Variants in IFT140 observed in about 807,000 individuals in gnomAD.
The protein encoded by IFT140 is intraflagellar transport 140.
IFT140 carries 133 observed loss-of-function variants against 164.6 expected under a neutral mutation model. The ratio of observed to expected loss-of-function variants is 0.81; its 90% CI spans 0.70 to 0.93. The LOEUF (loss-of-function observed/expected upper bound fraction) is 0.93. IFT140 is among the 40% of genes least tolerant of loss of function. The pLI is 0.00. For missense variants in IFT140, 2,045 were observed against 1,972.3 expected (o/e 1.04, Z -0.70); for synonymous variants, 860 against 817.3 (o/e 1.05, Z -0.89).
At chr16:1,528,313 ACG>A in intron 19 of IFT140, among the ~76,000 whole-genome samples, 1 of 131,256 alleles carries the variant, frequency 7.6e-6, no homozygotes, top group African/African-American at 3.2e-5. Context: ...CCACACACAC[ACG>A]CACGCATGCA....
chr16:1,610,450 C>A (rs2142142793), intron 2 of IFT140: 1 of 154,178 alleles, frequency 6.5e-6, no homozygotes, highest in Non-Finnish European at 1.5e-5. Context: ...CGGGCGGGGG[C>A]GACAGCCATA....
At chr16:1,606,320 G>A (rs6600157) in intron 3 of IFT140, among the ~76,000 whole-genome samples, 11,945 of 152,304 alleles carry the variant, frequency 0.078, 553 homozygotes, top group African/African-American at 0.12. Context: ...ACTGATAGTG[G>A]CTTAATGCTG....
intron 18 of IFT140, 142 bp from the exon 19 acceptor site, chr16:1,558,276 C>T: frequency 1.3e-6 from 1 of 792,910 alleles, no homozygotes; most frequent in Non-Finnish European, 2.0e-6. Context: ...AGGCCCAGTC[C>T]CTGCCAGATG....
At position 1,562,144 on chromosome 16, in the gene IFT140, GT is replaced by G. The variant is rs113397794; in HGVS notation, c.2068-29del. 28,574 of 1,083,384 alleles carry G rather than the reference GT, an allele frequency of 0.026. 8 individuals carry two copies. Among genetic ancestry groups the G allele is most frequent in the South Asian group, 0.045 (2,553 of 56,466 alleles). 67.1% of individuals were successfully genotyped at this position (1,083,384 alleles called of 1,614,324 possible). A position where few individuals can be genotyped will look rare whatever the true frequency, so the allele number is the denominator to read the frequency against. On this transcript the variant is annotated intron_variant, in intron 17 of 30. Coordinates refer to ENST00000426508, the MANE Select transcript of IFT140 (RefSeq NM_014714.4). ...GGGAGAGAAAGAAAAGTACTGTTCT[GT>G]TTTTTTTTTTAACTTACATAAATTT...
At chr16:1,560,002 C>T (rs1000078187) in intron 18 of IFT140, among the ~76,000 whole-genome samples, 3 of 152,200 alleles carry the variant, frequency 2.0e-5, no homozygotes, top group Non-Finnish European at 2.9e-5. Flanking sequence ...GTGTGCAAGA[C>T]ACAAACGCCA....
chr16:1,589,683 T>G lies in IFT140; in HGVS notation c.732A>C (p.Ala244=). ...QMLFYMEKRE[A]LVVVTENLRL... is the part of the protein sequence containing the mutation. ...GGAGGTTCTCTGTGACCACCACCAG[T>G]GCCTCCCTCTTCTCCATGTAGAACA... The change falls in exon 7 of 31, where the codon GCA becomes GCC. Residue 244 remains alanine, a synonymous_variant. Transcript: ENST00000426508. 4 of 1,614,164 alleles carry G rather than the reference T, an allele frequency of 2.5e-6. No individual in the cohort carries two copies. Among genetic ancestry groups the G allele is most frequent in the Non-Finnish European group, 3.4e-6 (4 of 1,180,022 alleles).
At position 1,561,965 on chromosome 16, in the gene IFT140, C is replaced by A. The variant is rs772449315; in HGVS notation, c.2199+20G>T. ...GGGGAGAGATCAGAAGACACCTGTG[C>A]GGATGTCGTGGCTTCGTACCTTTCT... On this transcript the variant is annotated intron_variant, in intron 18 of 30. Transcript: ENST00000426508. 1 of 1,579,618 alleles carries A rather than the reference C, an allele frequency of 6.3e-7. No individual in the cohort carries two copies. Among genetic ancestry groups the A allele is most frequent in the South Asian group, 1.2e-5 (1 of 84,694 alleles).
chr16:1,548,590 GA>G (rs2032368954), intron 19 of IFT140, among the ~76,000 whole-genome samples: 1 of 152,224 alleles, frequency 6.6e-6, no homozygotes, highest in African/African-American at 2.4e-5. Flanking sequence ...AGTTTTGGGA[GA>G]AAAGTCTTCA....
At chr16:1,571,367 T>C in intron 14 of IFT140, 40 bp downstream of exon 14, 1 of 1,600,808 alleles carries the variant, frequency 6.2e-7, no homozygotes, top group Non-Finnish European at 8.5e-7. Context: ...CCTGACTGAC[T>C]AAAAAAATGT....
chr16:1,514,369 C>CAAATAAATAAATAAATAAATAAATAAAT (rs544738443), intron 30 of IFT140: 11 of 151,784 alleles, frequency 7.2e-5, no homozygotes, highest in African/African-American at 2.7e-4. Flanking sequence ...CACTCCATCT[C>CAAATAAATAAATAAATAAATAAATAAAT]AAATAAATAA....
rs1415763185 is a variant in IFT140 at position 1,558,116 on chromosome 16, CTCTG to C, written c.2214_2217del (p.Asp738GlufsTer47). The C allele has an allele frequency of 6.8e-6, 11 of 1,614,064 alleles. No individual in the cohort carries two copies. Among genetic ancestry groups the C allele is most frequent in the Admixed American group, 1.7e-5 (1 of 60,008 alleles). On this transcript the variant is annotated frameshift_variant, in exon 19 of 31. Transcript: ENST00000426508. LOFTEE classifies it high-confidence loss of function. The stretch of plus-strand genomic sequence containing the variant: ...TGGCACCCAGGCTCCACCTCGTCTT[CTCTG>C]TCTGCTTCTTCGGGCTAAATGACAA...
Position 1,562,063 on chromosome 16 carries a change from A to G in IFT140, c.2121T>C (p.Leu707=). 1.2e-6 allele frequency: 2 copies of G among 1,612,226 alleles called. No individual in the cohort carries two copies. Among genetic ancestry groups the G allele is most frequent in the Non-Finnish European group, 1.7e-6 (2 of 1,179,166 alleles). ...FFISEEHGFL[L]HESFPRPATS... ...TGGCAGGCCGGGGGAAGCTCTCATG[A>G]AGCAGGAAGCCGTGCTCTTCGGAAA... The change falls in exon 18 of 31, where the codon CTT becomes CTC. Residue 707 remains leucine, a synonymous_variant. Coordinates refer to ENST00000426508, the MANE Select transcript of IFT140 (RefSeq NM_014714.4).
chr16:1,510,776 G>A lies in IFT140; in HGVS notation c.*168C>T. 2 of 675,312 alleles carry A rather than the reference G, an allele frequency of 3.0e-6. No individual in the cohort carries two copies. Among genetic ancestry groups the A allele is most frequent in the Admixed American group, 4.6e-5 (2 of 43,908 alleles). The allele number at this position is 675,312 out of a possible 1,614,324, so 41.8% of individuals were successfully genotyped here. A position where few individuals can be genotyped will look rare whatever the true frequency, so the allele number is the denominator to read the frequency against. ...GTGGGACAGAGCAAGGTGCAGACGGGTCACACCCTCCGCCGGCCCGGGCCG... is the reference window on the plus strand; with the variant it reads ...GTGGGACAGAGCAAGGTGCAGACGGATCACACCCTCCGCCGGCCCGGGCCG... On this transcript the variant is annotated 3_prime_UTR_variant, in exon 31 of 31. Transcript: ENST00000426508.
At chr16:1,543,500 G>A (rs1262720544) in intron 19 of IFT140, among the ~76,000 whole-genome samples, 2 of 152,250 alleles carry the variant, frequency 1.3e-5, no homozygotes, top group African/African-American at 2.4e-5. Flanking sequence ...GGCTTCAGTG[G>A]AAGAGCACAG....
At chr16:1,514,275 C>G (rs1365057332) in intron 30 of IFT140, 1 of 152,016 alleles carries the variant, frequency 6.6e-6, no homozygotes, top group Admixed American at 6.6e-5. Flanking sequence ...GAGGCTGCAG[C>G]AGGAGAATGG....
At chr16:1,527,367 C>T (rs2040739167) in intron 19 of IFT140, among the ~76,000 whole-genome samples, 1 of 152,140 alleles carries the variant, frequency 6.6e-6, no homozygotes, top group African/African-American at 2.4e-5. Flanking sequence ...TTCTGCAGAG[C>T]CCTGGAGGTC....
At chr16:1,519,782 T>G in intron 29 of IFT140, 99 bp downstream of exon 29, 1 of 1,189,918 alleles carries the variant, frequency 8.4e-7, no homozygotes, top group Non-Finnish European at 1.1e-6. Context: ...AGCTCCCATC[T>G]GCTGTCCTGC....
Position 1,524,761 on chromosome 16 carries a change from C to T in IFT140, c.2997+23G>A, listed in dbSNP as rs375612616. 5.9e-5 allele frequency: 94 copies of T among 1,592,998 alleles called. No individual in the cohort carries two copies. In the Middle Eastern group the frequency reaches 1.5e-3, roughly 25 times the overall value. ...TGTGTCTGCCTCGTGTCCGCCTGGCCGGCTCCCCTGCGGGGACCTTACCTT... is the reference window on the plus strand; with the variant it reads ...TGTGTCTGCCTCGTGTCCGCCTGGCTGGCTCCCCTGCGGGGACCTTACCTT... On this transcript the variant is annotated intron_variant, in intron 23 of 30. Coordinates refer to ENST00000426508, the MANE Select transcript of IFT140 (RefSeq NM_014714.4).
chr16:1,523,729 G>A, intron 25 of IFT140, 29 bp from the exon 26 acceptor site: 8 of 1,607,732 alleles, frequency 5.0e-6, no homozygotes, highest in Non-Finnish European at 6.8e-6. Flanking sequence ...CTGAGCAGCT[G>A]CCCGAGGCCT....
Sources: gnomAD v4.1 joint callset for allele counts (sites outside exome capture counted in the v4.1 genomes callset) on GRCh38, gnomAD v4.1.1 for gene constraint, MANE v1.5 for transcripts, NCBI Gene and HGNC (gene_info 2026-07-23, HGNC 2026-07-21) for gene names.